Variants in MAST2 observed in about 807,000 individuals in gnomAD.
The protein encoded by MAST2 is microtubule-associated serine/threonine-protein kinase 2.
In MAST2, 70 loss-of-function variants were observed where a neutral mutation model predicts 147.4. The ratio of observed to expected loss-of-function variants is 0.47; its 90% CI spans 0.39 to 0.58. MAST2 has a LOEUF of 0.58. Among genes scored for constraint, MAST2 ranks in the 20% least tolerant of loss-of-function variants. The pLI is 0.00. For missense variants in MAST2, 2,080 were observed against 2,302.3 expected (o/e 0.90, Z 1.98); for synonymous variants, 869 against 896.8 (o/e 0.97, Z 0.55).
chr1:45,883,409 G>A (rs572574749), intron 4 of MAST2, among the ~76,000 whole-genome samples: 256 of 152,184 alleles, frequency 1.7e-3, no homozygotes, highest in African/African-American at 5.8e-3. Context: ...GGCTGTTTAC[G>A]AAAACTTATT....
At chr1:45,985,794 A>G (rs925280681) in intron 5 of MAST2, among the ~76,000 whole-genome samples, 7 of 152,184 alleles carry the variant, frequency 4.6e-5, no homozygotes, top group Non-Finnish European at 1.5e-5. Flanking sequence ...ATTTCTCTCA[A>G]CATGTTTTCT....
rs1265676891 is a variant in MAST2 at position 46,011,762 on chromosome 1, C to T, written c.1188+823C>T. 2.0e-5 allele frequency among the ~76,000 whole-genome samples: 3 copies of T among 152,138 alleles called. No individual in the cohort carries two copies. The East Asian group carries it at 5.8e-4, about 29-fold the overall frequency. ...TACCAACTGAGCTGAGGGCCCAGGG[C>T]TAATGATCAAAAGGACATCAGTGTG... On this transcript the variant is annotated intron_variant, in intron 10 of 28. Coordinates refer to ENST00000361297, the MANE Select transcript of MAST2 (RefSeq NM_015112.3).
intron 5 of MAST2, among the ~76,000 whole-genome samples, chr1:45,979,268 C>A (rs934088529): frequency 1.3e-4 from 20 of 152,260 alleles, no homozygotes; most frequent in South Asian, 8.3e-4. Flanking sequence ...AATGAAGCAG[C>A]TGATTCAAGG....
At chr1:45,869,964 C>A (rs541266291) in intron 3 of MAST2, among the ~76,000 whole-genome samples, 1 of 152,004 alleles carries the variant, frequency 6.6e-6, no homozygotes, top group South Asian at 2.1e-4. Context: ...GCTCTTGTCA[C>A]CCAGGCTGGA....
At chr1:45,862,184 G>A (rs988377616) in intron 3 of MAST2, among the ~76,000 whole-genome samples, 4 of 152,294 alleles carry the variant, frequency 2.6e-5, no homozygotes, top group Admixed American at 1.3e-4. Context: ...ATTTTGAGCA[G>A]GTTACACACT....
chr1:45,865,955 T>A (rs1646134527), intron 3 of MAST2, among the ~76,000 whole-genome samples: 1 of 152,210 alleles, frequency 6.6e-6, no homozygotes, highest in South Asian at 2.1e-4. Context: ...CTGTGATGGT[T>A]TAGTCATGAA....
chr1:45,875,442 T>G (rs1646565140), intron 3 of MAST2, among the ~76,000 whole-genome samples: 1 of 152,154 alleles, frequency 6.6e-6, no homozygotes, highest in South Asian at 2.1e-4. Flanking sequence ...CGAGACTTCA[T>G]CTCAAAAAAA....
At chr1:45,971,391 C>T (rs985516623) in intron 5 of MAST2, among the ~76,000 whole-genome samples, 4 of 152,078 alleles carry the variant, frequency 2.6e-5, no homozygotes, top group African/African-American at 4.8e-5. Flanking sequence ...TCCTGGGGGT[C>T]GGGGTGTTGA....
At chr1:46,005,302 C>T (rs1016678212) in intron 7 of MAST2, among the ~76,000 whole-genome samples, 5 of 150,862 alleles carry the variant, frequency 3.3e-5, no homozygotes, top group African/African-American at 1.2e-4. Flanking sequence ...GCGGAGGTTG[C>T]AGTGAGCCAA....
chr1:45,852,324 C>G (rs1321365182), intron 3 of MAST2, among the ~76,000 whole-genome samples: 7 of 152,088 alleles, frequency 4.6e-5, no homozygotes, highest in Non-Finnish European at 8.8e-5. Flanking sequence ...TATCTTCTTG[C>G]AACCACTAAT....
At chr1:45,966,154 A>G (rs144353290) in intron 5 of MAST2, among the ~76,000 whole-genome samples, 105 of 152,286 alleles carry the variant, frequency 6.9e-4, no homozygotes, top group African/African-American at 2.4e-3. Flanking sequence ...TCACTTAGTA[A>G]TACGTACTGA....
chr1:45,927,368 C>T (rs1654543530), intron 4 of MAST2, among the ~76,000 whole-genome samples: 1 of 152,104 alleles, frequency 6.6e-6, no homozygotes, highest in Non-Finnish European at 1.5e-5. Flanking sequence ...AGCCTGGGAG[C>T]GCTATGGGAG....
At chr1:45,937,314 C>G (rs1490177740) in intron 4 of MAST2, among the ~76,000 whole-genome samples, 1 of 148,856 alleles carries the variant, frequency 6.7e-6, no homozygotes, top group Non-Finnish European at 1.5e-5. Flanking sequence ...CTTTTTTTTT[C>G]TAGAAATGGG....
At chr1:45,917,287 G>T in intron 4 of MAST2, 3 of 1,248,504 alleles carry the variant, frequency 2.4e-6, no homozygotes, top group Non-Finnish European at 3.2e-6. Context: ...TTTCTTTTTG[G>T]TTGAAAAGTT....
At chr1:45,820,237 A>G (rs1439842365) in intron 1 of MAST2, among the ~76,000 whole-genome samples, 1 of 152,208 alleles carries the variant, frequency 6.6e-6, no homozygotes. Flanking sequence ...TAAACTGCAA[A>G]CTCTGAAACT....
Position 45,820,320 on chromosome 1 carries a change from C to T in MAST2, c.178-4113C>T, listed in dbSNP as rs779106283. Among the ~76,000 whole-genome samples the T allele has an allele frequency of 2.8e-4, 42 of 152,290 alleles. 1 individual carries two copies. In the Middle Eastern group the frequency reaches 0.034, roughly 123 times the overall value. On this transcript the variant is annotated intron_variant, in intron 1 of 28. Transcript: ENST00000361297. ...AAAATTTCTTGAGCAATAAATACCC[C>T]ACATGCAGAGGCAACCAAAGCAAAA...
At chr1:45,814,892 C>T (rs565193654) in intron 1 of MAST2, among the ~76,000 whole-genome samples, 2 of 152,074 alleles carry the variant, frequency 1.3e-5, no homozygotes, top group East Asian at 3.8e-4. Context: ...GTGCATTTTC[C>T]CCTTCAGGGA....
At chr1:45,918,588 C>A (rs1304762121) in intron 4 of MAST2, among the ~76,000 whole-genome samples, 1 of 152,136 alleles carries the variant, frequency 6.6e-6, no homozygotes, top group Non-Finnish European at 1.5e-5. Flanking sequence ...CAGGCGGCTG[C>A]CCCCACACCC....
At chr1:45,856,192 G>A (rs991323042) in intron 3 of MAST2, among the ~76,000 whole-genome samples, 1 of 152,184 alleles carries the variant, frequency 6.6e-6, no homozygotes, top group East Asian at 1.9e-4. Context: ...AGGCATGGGT[G>A]GCTCACATCC....
Sources: allele counts gnomAD v4.1 joint callset (sites outside exome capture counted in the v4.1 genomes callset), GRCh38; gene constraint gnomAD v4.1.1; transcripts MANE v1.5; gene names NCBI Gene and HGNC (gene_info 2026-07-23, HGNC 2026-07-21).